The following PCDH7 variants were observed in gnomAD, a reference collection of about 807,000 sequenced individuals.
PCDH7 encodes the protein protocadherin-7.
In PCDH7, 17 loss-of-function variants were observed where a neutral mutation model predicts 58.9. The observed-to-expected ratio is 0.29, with a 90% CI of 0.20 to 0.43. PCDH7 has a LOEUF of 0.43. PCDH7 is among the 20% of genes least tolerant of loss of function. The pLI, the probability that PCDH7 is intolerant of heterozygous loss-of-function variation, is 1.00. For missense variants in PCDH7, 1,274 were observed against 1,441.0 expected, an observed-to-expected ratio of 0.88 and a Z score of 1.88; for synonymous variants, 664 against 616.4, an observed-to-expected ratio of 1.08 and a Z score of -1.14.
intron 1 of PCDH7, among the ~76,000 whole-genome samples, chr4:30,869,939 G>A (rs978341943): frequency 7.2e-5 from 11 of 152,088 alleles, no homozygotes; most frequent in Non-Finnish European, 1.3e-4. Flanking sequence ...ATCCTCTCCA[G>A]CATATGTTGT....
At chr4:30,957,099 C>T (rs993929418) in intron 3 of PCDH7, among the ~76,000 whole-genome samples, 9 of 152,040 alleles carry the variant, frequency 5.9e-5, no homozygotes, top group Non-Finnish European at 1.3e-4. Context: ...AGCTTATCAC[C>T]ACCATCTCAT....
intron 3 of PCDH7, among the ~76,000 whole-genome samples, chr4:31,025,266 T>G (rs566345847): frequency 6.6e-6 from 1 of 152,214 alleles, no homozygotes; most frequent in African/African-American, 2.4e-5. Flanking sequence ...ACATGTTGAA[T>G]TTAACATCTT....
At chr4:30,853,758 T>A (rs1005867147) in intron 1 of PCDH7, among the ~76,000 whole-genome samples, 3 of 152,076 alleles carry the variant, frequency 2.0e-5, no homozygotes, top group Admixed American at 2.0e-4. Context: ...ATCCCTTTTT[T>A]TTCTGCTTAA....
At chr4:30,872,116 T>C (rs1735688401) in intron 1 of PCDH7, among the ~76,000 whole-genome samples, 1 of 152,118 alleles carries the variant, frequency 6.6e-6, no homozygotes, top group Non-Finnish European at 1.5e-5. Flanking sequence ...GGAAACAATT[T>C]AGCCCATAAC....
chr4:30,825,006 A>G (rs1279279366), intron 1 of PCDH7, among the ~76,000 whole-genome samples: 1 of 152,126 alleles, frequency 6.6e-6, no homozygotes, highest in East Asian at 1.9e-4. Flanking sequence ...AGGCATATAT[A>G]AAGTTGAATG....
At chr4:31,144,361 A>G (rs1197464682), downstream of PCDH7, 2 of 152,186 alleles carry the variant, frequency 1.3e-5, no homozygotes, top group African/African-American at 4.8e-5. Flanking sequence ...CCAGTGCAAT[A>G]AAAAGAAACA....
intron 3 of PCDH7, among the ~76,000 whole-genome samples, chr4:31,020,117 A>T (rs531246941): frequency 6.6e-6 from 1 of 152,286 alleles, no homozygotes; most frequent in African/African-American, 2.4e-5. Flanking sequence ...CACCCCATAG[A>T]AACAAACAAA....
At chr4:31,039,174 T>C (rs1755647187) in intron 3 of PCDH7, among the ~76,000 whole-genome samples, 1 of 152,216 alleles carries the variant, frequency 6.6e-6, no homozygotes, top group African/African-American at 2.4e-5. Flanking sequence ...AAGATTCAAT[T>C]TGGCATTCTC....
intron 3 of PCDH7, among the ~76,000 whole-genome samples, chr4:31,077,083 A>G (rs556715282): frequency 3.3e-5 from 5 of 152,306 alleles, no homozygotes; most frequent in South Asian, 4.1e-4. Flanking sequence ...ATATGTATAT[A>G]CATACACACA....
intron 3 of PCDH7, among the ~76,000 whole-genome samples, chr4:31,036,696 T>C (rs1265604646): frequency 1.3e-5 from 2 of 152,230 alleles, no homozygotes; most frequent in Non-Finnish European, 2.9e-5. Flanking sequence ...GCATACTCTG[T>C]TGTGCTTGTA....
At chr4:30,747,425 A>G (rs368577588) in intron 1 of PCDH7, among the ~76,000 whole-genome samples, 62 of 152,332 alleles carry the variant, frequency 4.1e-4, no homozygotes, top group East Asian at 3.5e-3. Context: ...AATGGGTCTC[A>G]CTAGGTTAAA....
intron 3 of PCDH7, among the ~76,000 whole-genome samples, chr4:30,998,264 G>A (rs1412894146): frequency 1.3e-5 from 2 of 152,098 alleles, no homozygotes; most frequent in Non-Finnish European, 2.9e-5. Context: ...GAATGTTAAG[G>A]TGATCATCTT....
chr4:30,747,946 T>C (rs1717986134), intron 1 of PCDH7, among the ~76,000 whole-genome samples: 1 of 152,206 alleles, frequency 6.6e-6, no homozygotes, highest in African/African-American at 2.4e-5. Context: ...ATAGATACTT[T>C]ATTATTACTT....
intron 3 of PCDH7, among the ~76,000 whole-genome samples, chr4:31,064,113 C>T (rs6828539): frequency 0.66 from 100,221 of 151,850 alleles, 34,979 homozygotes; most frequent in African/African-American, 0.9. Flanking sequence ...TAAGTATCAG[C>T]ACTGTTTTCA....
At chr4:30,752,671 T>C (rs1718700751) in intron 1 of PCDH7, among the ~76,000 whole-genome samples, 1 of 150,388 alleles carries the variant, frequency 6.6e-6, no homozygotes, top group South Asian at 2.1e-4. Context: ...TTGTTTTCTT[T>C]CATTGCTGAA....
intron 2 of PCDH7, among the ~76,000 whole-genome samples, chr4:30,929,476 G>A (rs1245549123): frequency 7.2e-5 from 11 of 152,008 alleles, no homozygotes; most frequent in Admixed American, 4.6e-4. Context: ...TTGTAAGTTC[G>A]TTATAAGAAT....
chr4:30,765,961 G>T (rs569631689), intron 1 of PCDH7, among the ~76,000 whole-genome samples: 1 of 152,148 alleles, frequency 6.6e-6, no homozygotes, highest in Admixed American at 6.5e-5. Context: ...ATTTATAATT[G>T]GGAGGGAGCA....
intron 1 of PCDH7, among the ~76,000 whole-genome samples, chr4:30,770,038 C>T (rs973978476): frequency 1.3e-5 from 2 of 152,134 alleles, no homozygotes; most frequent in Admixed American, 1.3e-4. Context: ...GAAAAACACC[C>T]ATTGAATTTA....
intron 3 of PCDH7, among the ~76,000 whole-genome samples, chr4:31,023,652 A>G (rs1445240560): frequency 1.3e-5 from 2 of 152,188 alleles, no homozygotes; most frequent in Non-Finnish European, 2.9e-5. Flanking sequence ...CTGCTCTCCT[A>G]CTTTCATGTA....
Sources: allele counts gnomAD v4.1 joint callset (sites outside exome capture counted in the v4.1 genomes callset), GRCh38; gene constraint gnomAD v4.1.1; transcripts MANE v1.5; gene names NCBI Gene and HGNC (gene_info 2026-07-23, HGNC 2026-07-21).